The following DMPK variants were observed in gnomAD, a reference collection of about 807,000 sequenced individuals.
DMPK encodes myotonin-protein kinase.
In DMPK, 32 loss-of-function variants were observed where a neutral mutation model predicts 70.3. The ratio of observed to expected loss-of-function variants is 0.46; its 90% CI spans 0.34 to 0.61. The LOEUF is 0.61. Ranked by LOEUF, DMPK falls within the 20% of genes least tolerant of loss-of-function variation. DMPK has a pLI of 0.01. For synonymous variants in DMPK, 469 were observed against 390.9 expected (o/e 1.20, Z -2.36); for missense variants, 899 against 886.0 (o/e 1.01, Z -0.19).
In DMPK at chr19:45,779,540, A is replaced by C. The variant is rs373246151; in HGVS notation, c.253-18T>G. 145 of 1,613,602 alleles carry C rather than the reference A, an allele frequency of 9.0e-5. No homozygotes were observed. The highest frequency in any genetic ancestry group is 1.2e-4 in the Non-Finnish European group (142 of 1,179,908). The stretch of plus-strand genomic sequence containing the variant: ...ACCGCTACCTGAGGTCGAGATAGTG[A>C]GACAGAGTGGAGACGGCGGGAAAAC... On this transcript the variant is annotated intron_variant, in intron 2 of 14. Coordinates refer to ENST00000291270, the MANE Select transcript of DMPK (RefSeq NM_004409.5).
Position 45,770,549 on chromosome 19 carries a change from A to G in DMPK, c.1829T>C (p.Val610Ala). Residue 610 changes from valine to alanine, a missense_variant, in exon 15 of 15, where the codon GTG becomes GCG. Transcript: ENST00000291270. Reference sequence around the variant, plus strand: ...TGCGGTGAGTTGGCCGGCGTGGGCCACCAACCCAATGCAGCCCAGGGCGGC... The same window carrying G: ...TGCGGTGAGTTGGCCGGCGTGGGCCGCCAACCCAATGCAGCCCAGGGCGGC... Reference protein sequence around the residue: ...RAAALGCIGLVAHAGQLTAVW... With the variant: ...RAAALGCIGLAAHAGQLTAVW... 1 of 1,550,906 alleles carries G rather than the reference A, an allele frequency of 6.4e-7. No individual in the cohort carries two copies. The highest frequency in any genetic ancestry group is 8.7e-7 in the Non-Finnish European group (1 of 1,146,966).
At chr19:45,771,147 G>A (rs1371245092) in intron 13 of DMPK, 87 bp from the exon 14 acceptor site, 3 of 1,242,102 alleles carry the variant, frequency 2.4e-6, no homozygotes, top group Non-Finnish European at 3.3e-6. Flanking sequence ...AATCGAGGTT[G>A]GGGAGGTTAT....
intron 4 of DMPK, 144 bp from the exon 5 acceptor site, chr19:45,778,785 C>T (rs950233466): frequency 4.7e-5 from 41 of 875,118 alleles, no homozygotes; most frequent in Non-Finnish European, 6.0e-5. Context: ...AGAGATCTGC[C>T]GGGCCAAATC....
At chr19:45,778,376 C>G in intron 5 of DMPK, 117 bp downstream of exon 5, 1 of 1,420,570 alleles carries the variant, frequency 7.0e-7, no homozygotes, top group Non-Finnish European at 9.6e-7. Context: ...CCAGGCACCC[C>G]CCGGTGGGCC....
intron 6 of DMPK, 30 bp downstream of exon 6, chr19:45,778,097 A>C: frequency 6.4e-7 from 1 of 1,563,856 alleles, no homozygotes; most frequent in African/African-American, 1.4e-5. Context: ...CAGCAGCCCC[A>C]GTTGCTCTGT....
chr19:45,780,950 G>A (rs1230639866), intron 1 of DMPK, among the ~76,000 whole-genome samples: 1 of 152,076 alleles, frequency 6.6e-6, no homozygotes, highest in Non-Finnish European at 1.5e-5. Flanking sequence ...TACCCCACCC[G>A]GTCTCAGTTT....
chr19:45,780,480 G>A, intron 1 of DMPK: 1 of 1,208,504 alleles, frequency 8.3e-7, no homozygotes, highest in Non-Finnish European at 1.1e-6. Flanking sequence ...TCCAGGAGGA[G>A]TGCTTTAGTC....
rs1242104940 is a variant in DMPK, at chr19:45,771,522, C to T, written c.1600+46G>A. The T allele has an allele frequency of 3.1e-6, 5 of 1,612,974 alleles. No individual in the cohort carries two copies. In the Admixed American group the frequency reaches 6.7e-5, roughly 22 times the overall value. ...TACACGCCCCGCGGAGCAGACGGCCCACCTCCTCCCGGTCCTCCGGGGAAG... is the reference window on the plus strand; with the variant it reads ...TACACGCCCCGCGGAGCAGACGGCCTACCTCCTCCCGGTCCTCCGGGGAAG... On this transcript the variant is annotated intron_variant, in intron 12 of 14. Transcript: ENST00000291270.
At position 45,778,486 on chromosome 19, in the gene DMPK, C is replaced by T. The variant is rs759945808; in HGVS notation, c.581+7G>A. 25 of 1,613,120 alleles carry T rather than the reference C, an allele frequency of 1.5e-5. No individual in the cohort carries two copies. Among genetic ancestry groups the T allele is most frequent in the Non-Finnish European group, 1.9e-5 (22 of 1,179,652 alleles). On this transcript the variant is annotated splice_region_variant and intron_variant, in intron 5 of 14. Coordinates refer to ENST00000291270, the MANE Select transcript of DMPK (RefSeq NM_004409.5). ...GCTTGCTATCCCCTCGGCCATGCTG[C>T]ACCCACCTGTGCACGTAGCCAAGCC...
intron 13 of DMPK, 77 bp downstream of exon 13, chr19:45,771,273 C>T: frequency 6.6e-7 from 1 of 1,525,170 alleles, no homozygotes; most frequent in Non-Finnish European, 8.8e-7. Flanking sequence ...TATATCTGGA[C>T]GGGGAGACCA....
intron 12 of DMPK, 45 bp from the exon 13 acceptor site, chr19:45,771,441 G>C: frequency 6.2e-7 from 1 of 1,611,118 alleles, no homozygotes; most frequent in Non-Finnish European, 8.5e-7. Flanking sequence ...AGGGGCGAAG[G>C]AGGGCGGTGG....
Position 45,777,691 on chromosome 19 carries a change from G to T in DMPK, c.858C>A (p.Thr286=). ...TPFYADSTAE[T]YGKIVHYKEH... Reference sequence around the variant, plus strand: ...CCTTGTAGTGGACGATCTTGCCATAGGTCTCCGCCGTGGAATCCGCGTAGA... The same window carrying T: ...CCTTGTAGTGGACGATCTTGCCATATGTCTCCGCCGTGGAATCCGCGTAGA... The change falls in exon 7 of 15, where the codon ACC becomes ACA. Residue 286 remains threonine, a synonymous_variant. Transcript: ENST00000291270. The surrounding 1 kb of genome is among the most constrained non-coding windows in gnomAD (Gnocchi z 6.7). The T allele has an allele frequency of 6.2e-7, 1 of 1,614,034 alleles. No homozygotes were observed. Among genetic ancestry groups the T allele is most frequent in the Non-Finnish European group, 8.5e-7 (1 of 1,180,042 alleles).
At chr19:45,770,920 G>T in intron 14 of DMPK, 51 bp downstream of exon 14, 3 of 1,294,984 alleles carry the variant, frequency 2.3e-6, no homozygotes, top group Non-Finnish European at 3.0e-6. Flanking sequence ...GCAAGGGGCG[G>T]GTGGAGCGCG....
rs754709046 is a variant in DMPK at position 45,772,659 on chromosome 19, C to T, written c.1326G>A (p.Val442=). 2 of 1,541,702 alleles carry T rather than the reference C, an allele frequency of 1.3e-6. No individual in the cohort carries two copies. Among genetic ancestry groups the T allele is most frequent in the Non-Finnish European group, 1.7e-6 (2 of 1,153,128 alleles). The part of the protein sequence containing the change: ...HVQAPSLEPS[V]SPQDETAEVA... ...AACTTACTGTTTCATCCTGTGGGGA[C>T]ACCGAGGGCTCCAGGCTGGGCGCTT... is the stretch of plus-strand genomic sequence containing the variant. The change falls in exon 10 of 15, where the codon GTG becomes GTA. Residue 442 remains valine, a synonymous_variant. Transcript: ENST00000291270.
intron 14 of DMPK, 29 bp downstream of exon 14, chr19:45,770,942 C>T: frequency 1.4e-6 from 2 of 1,391,030 alleles, no homozygotes; most frequent in Non-Finnish European, 1.9e-6. Context: ...GGCGCGACGG[C>T]GGAGGGGGGC....
chr19:45,781,537 G>A (rs1231680273), intron 1 of DMPK, among the ~76,000 whole-genome samples: 1 of 152,168 alleles, frequency 6.6e-6, no homozygotes, highest in Non-Finnish European at 1.5e-5. Context: ...TGGGGCTGGG[G>A]GTGGGGGTGG....
rs756610907 is a variant in DMPK at position 45,779,353 on chromosome 19, A to G, written c.343T>C (p.Cys115Arg). 3.7e-6 allele frequency: 6 copies of G among 1,613,914 alleles called. No individual in the cohort carries two copies. The African/African-American group carries it at 5.3e-5, about 14-fold the overall frequency. The change falls in exon 4 of 15, where the codon TGC becomes CGC. Residue 115 changes from cysteine (C) to arginine (R), a missense_variant. Physicochemically the swap from Cys to Arg is radical, Grantham distance 180 (BLOSUM62 -3). Around this residue, in one of 3 missense-constraint regions of DMPK, gnomAD observed 195 missense variants for 259.7 expected, o/e 0.75. Transcript: ENST00000291270. Reference protein sequence around the residue: ...WDMLKRGEVSCFREERDVLVN... With the variant: ...WDMLKRGEVSRFREERDVLVN... ...AACACGTCCCTCTCCTCACGGAAGC[A>G]CGACACCTGCAGGGCACCCGGAGGA...
intron 14 of DMPK, 136 bp from the exon 15 acceptor site, chr19:45,770,776 T>A: frequency 9.0e-7 from 1 of 1,116,422 alleles, no homozygotes; most frequent in South Asian, 1.6e-5. Context: ...CAGCTGTTGT[T>A]AGTCCACTCG....
chr19:45,778,133 A>T lies in DMPK; in HGVS notation c.669T>A (p.Asp223Glu). The change falls in exon 6 of 15, where the codon GAT becomes GAA. Residue 223 changes from aspartate (D) to glutamate (E), a missense_variant. Physicochemically the swap from Asp to Glu is conservative, Grantham distance 45. Coordinates refer to ENST00000291270, the MANE Select transcript of DMPK (RefSeq NM_004409.5). ...GGCCAGGGCACTGGCTCACCGTTCC[A>T]TCTGCCCGCAGCTTGAGGCAAGAGC... is the stretch of plus-strand genomic sequence containing the variant. ...DFGSCLKLRADGTVRSLVAVG... is the reference protein window; with the variant it reads ...DFGSCLKLRAEGTVRSLVAVG... 1.2e-6 allele frequency: 2 copies of T among 1,611,110 alleles called. No homozygotes were observed. Among genetic ancestry groups the T allele is most frequent in the Non-Finnish European group, 1.7e-6 (2 of 1,178,682 alleles).
Sources: allele counts gnomAD v4.1 joint callset (sites outside exome capture counted in the v4.1 genomes callset), GRCh38; gene constraint gnomAD v4.1.1; regional missense constraint gnomAD v4.1.1; non-coding constraint Gnocchi (gnomAD v3.1); transcripts MANE v1.5; gene names NCBI Gene and HGNC (gene_info 2026-07-23, HGNC 2026-07-21).